The following MSH3 variants were observed in gnomAD, a reference collection of about 807,000 sequenced individuals.
MSH3 encodes DNA mismatch repair protein Msh3.
MSH3 carries 106 observed loss-of-function variants against 123.3 expected under a neutral mutation model. That is an observed-to-expected ratio of 0.86 (90% confidence interval 0.73 to 1.01). The LOEUF (loss-of-function observed/expected upper bound fraction) is 1.01. MSH3 is among the 50% of genes least tolerant of loss of function. The pLI is 0.00. For missense variants in MSH3, 1,459 were observed against 1,347.6 expected (o/e 1.08, Z -1.29); for synonymous variants, 515 against 481.4 (o/e 1.07, Z -0.91).
At position 80,792,670 on chromosome 5, in the gene MSH3, TAG is replaced by T; in HGVS notation, c.2544-60_2544-59del. The T allele has an allele frequency of 5.0e-6, 5 of 1,000,942 alleles. No homozygotes were observed. The South Asian group carries it at 6.9e-5, about 14-fold the overall frequency. 62.0% of individuals were successfully genotyped at this position (1,000,942 alleles called of 1,614,324 possible). A position where few individuals can be genotyped will look rare whatever the true frequency, so the allele number is the denominator to read the frequency against. ...AGTACTGAAATTTTTCATGCTATCT[TAG>T]AGTTTTTTTTTTAAGGCTATTTCCA... On this transcript the variant is annotated intron_variant, in intron 18 of 23. Coordinates refer to ENST00000265081, the MANE Select transcript of MSH3 (RefSeq NM_002439.5).
chr5:80,819,185 A>G (rs982107477), intron 20 of MSH3, among the ~76,000 whole-genome samples: 3 of 152,074 alleles, frequency 2.0e-5, no homozygotes, highest in African/African-American at 7.2e-5. Context: ...ATGCAATAAG[A>G]AGGCCATTAC....
chr5:80,725,812 T>C (rs1743285412), intron 9 of MSH3, among the ~76,000 whole-genome samples: 1 of 152,160 alleles, frequency 6.6e-6, no homozygotes, highest in Non-Finnish European at 1.5e-5. Flanking sequence ...ATCATGCCAT[T>C]GCAGTCCAGC....
intron 19 of MSH3, among the ~76,000 whole-genome samples, chr5:80,808,544 C>T (rs994245380): frequency 4.6e-5 from 7 of 151,974 alleles, no homozygotes; most frequent in African/African-American, 1.7e-4. Flanking sequence ...AAACCTGTTT[C>T]CCAGCTAAAT....
intron 13 of MSH3, among the ~76,000 whole-genome samples, chr5:80,761,974 A>G (rs967580902): frequency 6.6e-6 from 1 of 152,138 alleles, no homozygotes; most frequent in Non-Finnish European, 1.5e-5. Flanking sequence ...ACTATTATCA[A>G]AATAGGAAAT....
rs560157165 is a variant in MSH3 at position 80,825,834 on chromosome 5, A to AT, written c.2813+12100dup. On this transcript the variant is annotated intron_variant, in intron 20 of 23. Coordinates refer to ENST00000265081, the MANE Select transcript of MSH3 (RefSeq NM_002439.5). ...CACATGAAGTGCCATCTGGTAAATT[A>AT]TTTTTTTGTTAATGCTAGGGACATT... is the stretch of plus-strand genomic sequence containing the variant. 6.6e-5 allele frequency among the ~76,000 whole-genome samples: 10 copies of AT among 152,260 alleles called. No individual in the cohort carries two copies. In the South Asian group the frequency reaches 1.7e-3, roughly 25 times the overall value.
chr5:80,821,513 A>G (rs896901403), intron 20 of MSH3, among the ~76,000 whole-genome samples: 3 of 152,244 alleles, frequency 2.0e-5, no homozygotes, highest in Non-Finnish European at 4.4e-5. Flanking sequence ...ATTGACCACA[A>G]CTTTAAAGCA....
intron 8 of MSH3, among the ~76,000 whole-genome samples, chr5:80,685,025 A>G (rs898518656): frequency 2.0e-5 from 3 of 151,936 alleles, no homozygotes; most frequent in South Asian, 2.1e-4. Context: ...CTTGGTCATG[A>G]TAAATGATAT....
intron 19 of MSH3, among the ~76,000 whole-genome samples, chr5:80,800,956 G>C (rs150691902): frequency 6.6e-6 from 1 of 152,192 alleles, no homozygotes; most frequent in Admixed American, 6.5e-5. Flanking sequence ...GGTCAAGGAA[G>C]GTGTGTCCTG....
rs1441694543 is a variant in MSH3, at chr5:80,768,067, ACTC to A, written c.2035_2037del (p.Leu679del). The A allele has an allele frequency of 5.0e-6, 8 of 1,613,626 alleles. No individual in the cohort carries two copies. Among genetic ancestry groups the A allele is most frequent in the African/African-American group, 4.0e-5 (3 of 74,878 alleles). ...GGACCGTTATTTTAGAAATTCCTGAACTCCTCAGTCCAGTGGAGCATTACTTAA... is the reference window on the plus strand; with the variant it reads ...GGACCGTTATTTTAGAAATTCCTGAACTCAGTCCAGTGGAGCATTACTTAA... On this transcript the variant is annotated inframe_deletion, in exon 14 of 24. Coordinates refer to ENST00000265081, the MANE Select transcript of MSH3 (RefSeq NM_002439.5).
intron 20 of MSH3, among the ~76,000 whole-genome samples, chr5:80,827,847 T>G (rs1048084981): frequency 1.3e-5 from 2 of 152,198 alleles, no homozygotes; most frequent in African/African-American, 2.4e-5. Flanking sequence ...AGATAGATAC[T>G]GTTGTAGTAG....
chr5:80,672,960 T>C (rs996247738), intron 6 of MSH3, 102 bp downstream of exon 6: 1 of 892,808 alleles, frequency 1.1e-6, no homozygotes, highest in East Asian at 2.4e-5. Context: ...CTTTGGGAAC[T>C]TTTTAGATGA....
intron 18 of MSH3, among the ~76,000 whole-genome samples, chr5:80,789,569 C>G (rs1744573686): frequency 6.6e-6 from 1 of 152,078 alleles, no homozygotes; most frequent in Non-Finnish European, 1.5e-5. Flanking sequence ...TGGGGTTTTA[C>G]CATGTTGGCC....
chr5:80,800,126 A>G (rs1744766909), intron 19 of MSH3, among the ~76,000 whole-genome samples: 1 of 152,274 alleles, frequency 6.6e-6, no homozygotes, highest in Non-Finnish European at 1.5e-5. Context: ...CCAATACTAA[A>G]GGGAACACTT....
At chr5:80,867,916 T>C (rs1746133674) in intron 22 of MSH3, among the ~76,000 whole-genome samples, 1 of 152,190 alleles carries the variant, frequency 6.6e-6, no homozygotes, top group African/African-American at 2.4e-5. Flanking sequence ...GCAAAAGCTT[T>C]ATAGTTTAAT....
In MSH3 at chr5:80,678,817, T is replaced by C; in HGVS notation, c.1174-110T>C. The C allele has an allele frequency of 2.5e-6, 3 of 1,207,884 alleles. No individual in the cohort carries two copies. The South Asian group carries it at 3.7e-5, about 15-fold the overall frequency. The allele number at this position is 1,207,884 out of a possible 1,614,324, so 74.8% of individuals were successfully genotyped here. On this transcript the variant is annotated intron_variant, in intron 7 of 23. Transcript: ENST00000265081. ...TCTAACACTTTAGAAATAGAGTACA[T>C]ACATACTCCTGAGTGTATCATCTTT...
At chr5:80,774,021 G>A (rs1239163940) in intron 15 of MSH3, among the ~76,000 whole-genome samples, 6 of 152,152 alleles carry the variant, frequency 3.9e-5, no homozygotes, top group Admixed American at 1.3e-4. Context: ...GTCCGCCTCA[G>A]CCTCCCAAAG....
chr5:80,797,028 G>A (rs1265953845), intron 19 of MSH3, among the ~76,000 whole-genome samples: 1 of 151,912 alleles, frequency 6.6e-6, no homozygotes, highest in East Asian at 1.9e-4. Flanking sequence ...TGCTTAGAAT[G>A]TCATCTTTCC....
At chr5:80,781,478 C>CTTTTTTTTTT (rs71659599) in intron 17 of MSH3, among the ~76,000 whole-genome samples, 1 of 142,618 alleles carries the variant, frequency 7.0e-6, no homozygotes. Flanking sequence ...TTACCAAGTT[C>CTTTTTTTTTT]TTTTTTTTTT....
At chr5:80,826,548 AT>A (rs10625891) in intron 20 of MSH3, among the ~76,000 whole-genome samples, 18 of 140,486 alleles carry the variant, frequency 1.3e-4, no homozygotes, top group Admixed American at 2.1e-4. Context: ...GAGGTTAGGA[AT>A]TTTTTTTTTT....
Sources: allele counts gnomAD v4.1 joint callset (sites outside exome capture counted in the v4.1 genomes callset), GRCh38; gene constraint gnomAD v4.1.1; transcripts MANE v1.5; gene names NCBI Gene and HGNC (gene_info 2026-07-23, HGNC 2026-07-21).